The following SLC35F4 variants were observed in gnomAD, a reference collection of about 807,000 sequenced individuals.
SLC35F4 encodes chromosome 14 open reading frame 36.
In SLC35F4, 24 loss-of-function variants were observed where a neutral mutation model predicts 44.2. That is an observed-to-expected ratio of 0.54 (90% CI 0.39 to 0.76). The LOEUF is 0.76. Ranked by LOEUF, SLC35F4 falls within the 30% of genes least tolerant of loss-of-function variation. SLC35F4 has a pLI of 0.00. For missense variants in SLC35F4, 562 were observed against 586.1 expected (o/e 0.96, Z 0.42); for synonymous variants, 238 against 223.6 (o/e 1.06, Z -0.57).
chr14:57,584,518 A>G (rs1488806965), intron 3 of SLC35F4, among the ~76,000 whole-genome samples: 1 of 152,206 alleles, frequency 6.6e-6, no homozygotes. Context: ...GAATTGTCTG[A>G]CAATTTTACC....
chr14:57,971,732 C>CT (rs746247013), intron 1 of SLC35F4, among the ~76,000 whole-genome samples: 1 of 152,070 alleles, frequency 6.6e-6, no homozygotes, highest in African/African-American at 2.4e-5. Flanking sequence ...GTTGCCAGGG[C>CT]TAAGGGGTGA....
chr14:57,876,829 C>T (rs908895550), intron 1 of SLC35F4, among the ~76,000 whole-genome samples: 1 of 152,102 alleles, frequency 6.6e-6, no homozygotes, highest in African/African-American at 2.4e-5. Context: ...TAATCTAAAA[C>T]CCAGGTTTAA....
intron 1 of SLC35F4, among the ~76,000 whole-genome samples, chr14:57,936,317 C>G (rs910819999): frequency 6.6e-6 from 1 of 152,128 alleles, no homozygotes; most frequent in African/African-American, 2.4e-5. Flanking sequence ...TTTTAAGGCT[C>G]ATAGGGAATA....
At chr14:57,634,878 G>C (rs929205082) in intron 1 of SLC35F4, among the ~76,000 whole-genome samples, 1 of 152,086 alleles carries the variant, frequency 6.6e-6, no homozygotes, top group African/African-American at 2.4e-5. Flanking sequence ...AACAATTTTG[G>C]AGACAGACCT....
chr14:57,585,712 A>G (rs1380057077), intron 3 of SLC35F4, among the ~76,000 whole-genome samples: 1 of 152,256 alleles, frequency 6.6e-6, no homozygotes, highest in Non-Finnish European at 1.5e-5. Flanking sequence ...CCAAATCATG[A>G]GTGAACAGCT....
At position 57,662,731 on chromosome 14, in the gene SLC35F4, C is replaced by T. The variant is rs558266078; in HGVS notation, c.104-68607G>A. ...CAATAGAAAATGGACTAAAACATAGCCTCTACTAAGAGTTTGCAAGGTGTG... is the reference window on the plus strand; with the variant it reads ...CAATAGAAAATGGACTAAAACATAGTCTCTACTAAGAGTTTGCAAGGTGTG... On this transcript the variant is annotated intron_variant, in intron 1 of 7. Transcript: ENST00000556826. Among the ~76,000 whole-genome samples, 5 of 152,298 alleles carry T rather than the reference C, an allele frequency of 3.3e-5. No individual in the cohort carries two copies. The South Asian group carries it at 1.0e-3, about 32-fold the overall frequency.
intron 1 of SLC35F4, among the ~76,000 whole-genome samples, chr14:57,729,318 T>C (rs1351626985): frequency 6.6e-6 from 1 of 152,152 alleles, no homozygotes; most frequent in Non-Finnish European, 1.5e-5. Flanking sequence ...AAGAGTCTTT[T>C]ACCGTAGCCA....
rs556202673 is a variant in SLC35F4, at chr14:57,955,265, A to G, written n.282+26648T>C. Among the ~76,000 whole-genome samples, 155 of 152,314 alleles carry G rather than the reference A, an allele frequency of 1.0e-3. 2 individuals carry two copies. The highest frequency in any genetic ancestry group is 3.6e-3 in the African/African-American group (148 of 41,564). ...CACCCCTTCATGCTAAAAACTCTCA[A>G]TAAACTAGGTATTGATAGAACATAT... On this transcript the variant is annotated intron_variant and non_coding_transcript_variant, in intron 1 of 1. Coordinates refer to the SLC35F4 transcript ENST00000556568.
chr14:57,802,244 A>C (rs1290504942), intron 1 of SLC35F4, among the ~76,000 whole-genome samples: 2 of 152,188 alleles, frequency 1.3e-5, no homozygotes, highest in East Asian at 3.8e-4. Flanking sequence ...GGTAAATAAT[A>C]AAATTAAGGC....
intron 1 of SLC35F4, among the ~76,000 whole-genome samples, chr14:57,903,428 G>A (rs773245322): frequency 6.6e-6 from 1 of 152,126 alleles, no homozygotes; most frequent in Admixed American, 6.6e-5. Context: ...TGATAACATT[G>A]GACAATGTAA....
At chr14:57,640,815 A>G (rs1306089159) in intron 1 of SLC35F4, among the ~76,000 whole-genome samples, 2 of 152,052 alleles carry the variant, frequency 1.3e-5, no homozygotes, top group Non-Finnish European at 2.9e-5. Flanking sequence ...AAAGAAAGCC[A>G]CTTGAGATGA....
At chr14:57,777,130 G>A (rs1019849679) in intron 1 of SLC35F4, among the ~76,000 whole-genome samples, 8 of 152,164 alleles carry the variant, frequency 5.3e-5, no homozygotes, top group Non-Finnish European at 7.4e-5. Context: ...AAAATGCTCC[G>A]AGTAAAGAAA....
intron 1 of SLC35F4, among the ~76,000 whole-genome samples, chr14:57,946,586 T>C (rs1890036072): frequency 6.7e-6 from 1 of 149,768 alleles, no homozygotes; most frequent in Admixed American, 6.7e-5. Flanking sequence ...ATTATTCTCC[T>C]GGCTCAGCCT....
At chr14:57,931,887 C>G (rs1389099090) in intron 1 of SLC35F4, among the ~76,000 whole-genome samples, 2 of 152,182 alleles carry the variant, frequency 1.3e-5, no homozygotes, top group African/African-American at 2.4e-5. Context: ...CCCAGTCCCC[C>G]CATGTGGGCA....
chr14:57,612,319 C>T (rs967776143), intron 1 of SLC35F4, among the ~76,000 whole-genome samples: 4 of 152,096 alleles, frequency 2.6e-5, no homozygotes, highest in Admixed American at 2.0e-4. Context: ...CTGTAACTTC[C>T]CAGGCTATTA....
intron 1 of SLC35F4, among the ~76,000 whole-genome samples, chr14:57,889,714 T>C (rs935397780): frequency 1.1e-4 from 16 of 152,254 alleles, no homozygotes; most frequent in African/African-American, 3.6e-4. Flanking sequence ...GTTACCCTAG[T>C]ACACATTGTG....
intron 1 of SLC35F4, among the ~76,000 whole-genome samples, chr14:57,944,088 A>G (rs1033384201): frequency 2.6e-5 from 4 of 152,182 alleles, no homozygotes; most frequent in African/African-American, 9.6e-5. Context: ...CTCCACACCA[A>G]TTTCTGTCAC....
chr14:57,693,815 T>A (rs1594810957), intron 1 of SLC35F4, among the ~76,000 whole-genome samples: 1 of 152,162 alleles, frequency 6.6e-6, no homozygotes, highest in East Asian at 1.9e-4. Flanking sequence ...AACTTTTTTT[T>A]TGCTTAATCT....
chr14:57,577,143 CATCTTAATTCTTAATAT>C (rs1431048263), intron 4 of SLC35F4, among the ~76,000 whole-genome samples: 1 of 152,182 alleles, frequency 6.6e-6, no homozygotes, highest in Non-Finnish European at 1.5e-5. Flanking sequence ...AGTTACGTGT[CATCTTAATTCTTAATAT>C]TTAATATCAG....
Sources: allele counts gnomAD v4.1 joint callset (sites outside exome capture counted in the v4.1 genomes callset), GRCh38; gene constraint gnomAD v4.1.1; transcripts MANE v1.5; gene names NCBI Gene and HGNC (gene_info 2026-07-23, HGNC 2026-07-21).